The following GRIK4 variants were observed in gnomAD, a reference collection of about 807,000 sequenced individuals.
GRIK4 encodes glutamate ionotropic receptor kainate type subunit 4.
In GRIK4, 40 loss-of-function variants were observed where a neutral mutation model predicts 104.9. That is an observed-to-expected ratio of 0.38 (90% CI 0.30 to 0.50). The LOEUF is 0.50. GRIK4 is among the 20% of genes least tolerant of loss of function. GRIK4 has a pLI of 0.93. For synonymous variants in GRIK4, 485 were observed against 524.9 expected (o/e 0.92, Z 1.04); for missense variants, 1,047 against 1,308.1 (o/e 0.80, Z 3.08).
At chr11:120,814,932 C>A (rs1157159857) in intron 4 of GRIK4, among the ~76,000 whole-genome samples, 1 of 152,224 alleles carries the variant, frequency 6.6e-6, no homozygotes, top group Non-Finnish European at 1.5e-5. Context: ...CTCCTTCATA[C>A]CCCCGCCTGC....
At chr11:120,861,059 C>CAGGTAGTG (rs1222965178) in intron 8 of GRIK4, among the ~76,000 whole-genome samples, 251 of 143,232 alleles carry the variant, frequency 1.8e-3, no homozygotes, top group African/African-American at 6.1e-3. Flanking sequence ...GATTCGGATT[C>CAGGTAGTG]AGGTAGTGTT....
intron 3 of GRIK4, among the ~76,000 whole-genome samples, chr11:120,798,712 C>A (rs1306771542): frequency 6.6e-6 from 1 of 152,134 alleles, no homozygotes; most frequent in Non-Finnish European, 1.5e-5. Context: ...GAACTCCTGA[C>A]ATCAAGTGAT....
chr11:120,645,032 A>G lies in GRIK4; in HGVS notation c.-158-8653A>G, dbSNP rs372505047. 2.6e-5 allele frequency among the ~76,000 whole-genome samples: 4 copies of G among 152,244 alleles called. No homozygotes were observed. The East Asian group carries it at 7.7e-4, about 29-fold the overall frequency. ...GTGTCTACGTATATGTACATGTATC[A>G]ATGATGTACATGTGTATGTACATAT... On this transcript the variant is annotated intron_variant, in intron 1 of 20. Coordinates refer to ENST00000527524, the MANE Select transcript of GRIK4 (RefSeq NM_014619.5).
At chr11:120,938,596 G>C (rs1161745570) in intron 13 of GRIK4, among the ~76,000 whole-genome samples, 1 of 152,142 alleles carries the variant, frequency 6.6e-6, no homozygotes, top group African/African-American at 2.4e-5. Context: ...TGTAAAATGA[G>C]GGCCAGCACA....
intron 3 of GRIK4, among the ~76,000 whole-genome samples, chr11:120,668,623 C>T (rs1949963956): frequency 6.6e-6 from 1 of 152,116 alleles, no homozygotes; most frequent in African/African-American, 2.4e-5. Context: ...CTGGACTCAC[C>T]CAGGTTCCTT....
chr11:120,618,613 C>A (rs1052024898), intron 1 of GRIK4, among the ~76,000 whole-genome samples: 1 of 152,220 alleles, frequency 6.6e-6, no homozygotes, highest in South Asian at 2.1e-4. Flanking sequence ...TGTCGTGGGC[C>A]AGGCCCAGGG....
chr11:120,785,125 G>C (rs1030554227), intron 3 of GRIK4, among the ~76,000 whole-genome samples: 1 of 152,068 alleles, frequency 6.6e-6, no homozygotes, highest in Non-Finnish European at 1.5e-5. Flanking sequence ...GGCTGTCACC[G>C]GCGGGCCATT....
At chr11:120,909,426 C>T (rs750369520) in intron 13 of GRIK4, among the ~76,000 whole-genome samples, 1 of 152,158 alleles carries the variant, frequency 6.6e-6, no homozygotes, top group African/African-American at 2.4e-5. Flanking sequence ...CATTGTAACA[C>T]ATTGGGTAAG....
rs1368684139 is a variant in GRIK4 at position 120,700,271 on chromosome 11, T to C, written c.82+39871T>C. Among the ~76,000 whole-genome samples the C allele has an allele frequency of 2.0e-5, 3 of 148,130 alleles. No homozygotes were observed. In the East Asian group the frequency reaches 5.9e-4, roughly 29 times the overall value. The stretch of plus-strand genomic sequence containing the variant: ...TATAAGATTATATTACTACTTTTTT[T>C]TTTTTTTTTTTTTTGAGATGGAGTC... On this transcript the variant is annotated intron_variant, in intron 3 of 20. Coordinates refer to ENST00000527524, the MANE Select transcript of GRIK4 (RefSeq NM_014619.5).
intron 3 of GRIK4, among the ~76,000 whole-genome samples, chr11:120,798,126 G>A (rs190690134): frequency 1.9e-3 from 283 of 150,846 alleles, no homozygotes; most frequent in African/African-American, 6.7e-3. Context: ...CTCACGTGGC[G>A]GAGAGAAAAA....
At chr11:120,879,373 T>C (rs1273113433) in intron 11 of GRIK4, among the ~76,000 whole-genome samples, 1 of 152,186 alleles carries the variant, frequency 6.6e-6, no homozygotes, top group Non-Finnish European at 1.5e-5. Flanking sequence ...TTTCATTCTC[T>C]CTCTTCCTGT....
At chr11:120,951,196 G>T (rs970200922) in intron 14 of GRIK4, among the ~76,000 whole-genome samples, 7 of 152,134 alleles carry the variant, frequency 4.6e-5, no homozygotes, top group African/African-American at 1.7e-4. Context: ...AAACTGCACC[G>T]CAGGCCCACC....
At chr11:120,711,231 T>C (rs1950730516) in intron 3 of GRIK4, among the ~76,000 whole-genome samples, 1 of 152,296 alleles carries the variant, frequency 6.6e-6, no homozygotes, top group South Asian at 2.1e-4. Context: ...TAAATGTTCC[T>C]TTTAAGGGCA....
intron 1 of GRIK4, among the ~76,000 whole-genome samples, chr11:120,585,060 T>C (rs938654923): frequency 3.3e-5 from 5 of 152,268 alleles, no homozygotes; most frequent in African/African-American, 7.2e-5. Context: ...GGTATCAGAA[T>C]GATGCTGACC....
At chr11:120,630,704 C>T (rs117839411) in intron 1 of GRIK4, among the ~76,000 whole-genome samples, 6 of 152,310 alleles carry the variant, frequency 3.9e-5, no homozygotes, top group South Asian at 2.1e-4. Context: ...TTAAAATTAT[C>T]GTAGTCTACT....
At chr11:120,824,886 A>G (rs117764785) in intron 6 of GRIK4, among the ~76,000 whole-genome samples, 4,997 of 151,068 alleles carry the variant, frequency 0.033, 121 homozygotes, top group Non-Finnish European at 0.052. Flanking sequence ...GCTTGCTTTT[A>G]TATTTCTTTC....
intron 1 of GRIK4, among the ~76,000 whole-genome samples, chr11:120,629,610 C>T (rs1949307542): frequency 6.6e-6 from 1 of 152,032 alleles, no homozygotes; most frequent in African/African-American, 2.4e-5. Flanking sequence ...ATCCCTGTCC[C>T]CAAGCAGAGG....
intron 19 of GRIK4, among the ~76,000 whole-genome samples, chr11:120,968,498 T>C (rs776204728): frequency 5.3e-5 from 8 of 152,236 alleles, no homozygotes; most frequent in Non-Finnish European, 1.0e-4. Context: ...GCATGAATGA[T>C]TGTCCCTGAT....
chr11:120,984,033 G>A (rs938294706), intron 20 of GRIK4, among the ~76,000 whole-genome samples: 2 of 152,086 alleles, frequency 1.3e-5, no homozygotes, highest in Non-Finnish European at 2.9e-5. Context: ...AATCCAAGTC[G>A]GGAAAACTAA....
Sources: allele counts gnomAD v4.1 joint callset (sites outside exome capture counted in the v4.1 genomes callset), GRCh38; gene constraint gnomAD v4.1.1; transcripts MANE v1.5; gene names NCBI Gene and HGNC (gene_info 2026-07-23, HGNC 2026-07-21).